Variants in ZNF253 observed in about 807,000 individuals in gnomAD.
ZNF253 encodes the protein zinc finger protein 253.
A neutral mutation model predicts 11.9 loss-of-function variants in ZNF253; 8 were observed. The ratio of observed to expected loss-of-function variants is 0.67; its 90% CI spans 0.40 to 1.22. The LOEUF is 1.22. ZNF253 is among the 50% of genes most tolerant of loss of function. The probability of loss-of-function intolerance (pLI) is 0.01; values close to 1 mark genes in which losing one functional copy is unlikely to be tolerated. For synonymous variants in ZNF253, 194 were observed against 194.9 expected (o/e 1.00, Z 0.04); for missense variants, 485 against 586.9 (o/e 0.83, Z 1.79).
chr19:19,892,983 T>G lies in ZNF253; in HGVS notation c.*236T>G. The G allele has an allele frequency of 2.3e-6, 1 of 443,260 alleles. No individual in the cohort carries two copies. The highest frequency in any genetic ancestry group is 3.8e-6 in the Non-Finnish European group (1 of 265,204). The allele number at this position is 443,260 out of a possible 1,614,324, so 27.5% of individuals were successfully genotyped here. On this transcript the variant is annotated 3_prime_UTR_variant, in exon 4 of 4. Coordinates refer to ENST00000589717, the MANE Select transcript of ZNF253 (RefSeq NM_021047.3). Reference sequence around the variant, plus strand: ...TATAAACCTATAACAAGTTCTCAATTCCTTTTTTTTTGAGATGGAGTTTCA... The same window carrying G: ...TATAAACCTATAACAAGTTCTCAATGCCTTTTTTTTTGAGATGGAGTTTCA...
chr19:19,872,585 A>ATATATATATATATATATAT (rs58003826), intron 1 of ZNF253, among the ~76,000 whole-genome samples: 1 of 90,478 alleles, frequency 1.1e-5, no homozygotes, highest in African/African-American at 6.1e-5. Context: ...ATATATTATT[A>ATATATATATATATATATAT]TATATATATA....
chr19:19,875,831 T>G (rs940635111), intron 1 of ZNF253, among the ~76,000 whole-genome samples: 13 of 152,304 alleles, frequency 8.5e-5, no homozygotes, highest in African/African-American at 3.1e-4. Context: ...TCCTGGAAAT[T>G]ATTAAACCCT....
At chr19:19,886,284 T>C (rs1471303735) in intron 3 of ZNF253, among the ~76,000 whole-genome samples, 1 of 152,216 alleles carries the variant, frequency 6.6e-6, no homozygotes, top group Non-Finnish European at 1.5e-5. Flanking sequence ...AGAGCCACTG[T>C]TCCCAGTATT....
rs111759796 is a variant in ZNF253, at chr19:19,875,412, T to C, written c.4-3069T>C. ...AAACTCTTTCTTTCTTTCTTTCTTTTTTGAGATGGAGTGTCTCTCTGTCGC... is the reference window on the plus strand; with the variant it reads ...AAACTCTTTCTTTCTTTCTTTCTTTCTTGAGATGGAGTGTCTCTCTGTCGC... On this transcript the variant is annotated intron_variant, in intron 1 of 3. Coordinates refer to ENST00000589717, the MANE Select transcript of ZNF253 (RefSeq NM_021047.3). Among the ~76,000 whole-genome samples, 931 of 118,248 alleles carry C rather than the reference T, an allele frequency of 7.9e-3. 6 individuals carry two copies. Among genetic ancestry groups the C allele is most frequent in the Non-Finnish European group, 8.4e-3 (516 of 61,576 alleles). 77.6% of individuals were successfully genotyped at this position (118,248 alleles called of 152,430 possible).
At chr19:19,885,491 C>T (rs1047370253) in intron 3 of ZNF253, among the ~76,000 whole-genome samples, 3 of 151,376 alleles carry the variant, frequency 2.0e-5, no homozygotes, top group East Asian at 1.9e-4. Context: ...TCTGGGTTCA[C>T]GCCATTCTCC....
chr19:19,889,905 G>C (rs2063221603), intron 3 of ZNF253, among the ~76,000 whole-genome samples: 2 of 152,202 alleles, frequency 1.3e-5, no homozygotes, highest in Admixed American at 1.3e-4. Flanking sequence ...TTCCCAATGT[G>C]TTAGAATTAC....
intron 2 of ZNF253, 90 bp downstream of exon 2, chr19:19,878,697 G>A (rs1599553449): frequency 3.4e-6 from 5 of 1,454,038 alleles, no homozygotes; most frequent in Non-Finnish European, 4.6e-6. Flanking sequence ...TTTATTCTTT[G>A]CAAAGTGGTA....
At position 19,866,009 on chromosome 19, in the gene ZNF253, G is replaced by T. The variant is rs2063109188; in HGVS notation, c.3+10G>T. On this transcript the variant is annotated intron_variant, in intron 1 of 3. Coordinates refer to ENST00000589717, the MANE Select transcript of ZNF253 (RefSeq NM_021047.3). ...TGGAAGCCTAGAAATGGTGAGTGCC[G>T]GGTCCAACGTCCCGAGAGAGGGGAG... 2.5e-6 allele frequency: 4 copies of T among 1,614,158 alleles called. No individual in the cohort carries two copies. Among genetic ancestry groups the T allele is most frequent in the Non-Finnish European group, 3.4e-6 (4 of 1,180,032 alleles).
In ZNF253 at chr19:19,892,785, T is replaced by A; in HGVS notation, c.*38T>A. 6.5e-7 allele frequency: 1 copy of A among 1,537,726 alleles called. No individual in the cohort carries two copies. Among genetic ancestry groups the A allele is most frequent in the African/African-American group, 1.4e-5 (1 of 72,448 alleles). On this transcript the variant is annotated 3_prime_UTR_variant, in exon 4 of 4. Coordinates refer to ENST00000589717, the MANE Select transcript of ZNF253 (RefSeq NM_021047.3). The stretch of plus-strand genomic sequence containing the variant: ...AGAAACCCTATGAATGTGATGAATG[T>A]GGGAAAGCCTTTAACCAGCCCTCGA...
Position 19,890,498 on chromosome 19 carries a change from TTGTGTGTGTGTGTGTGTG to T in ZNF253, c.227-949_227-932del, listed in dbSNP as rs35114806. The stretch of plus-strand genomic sequence containing the variant: ...GAAACCAGGAGTTGGCAATTTATAT[TTGTGTGTGTGTGTGTGTG>T]TGTGTGTGTGTGTGTGTGTGTGTGT... On this transcript the variant is annotated intron_variant, in intron 3 of 3. Transcript: ENST00000589717. Among the ~76,000 whole-genome samples the T allele has an allele frequency of 8.7e-3, 1,231 of 141,046 alleles. 11 individuals are homozygous for T. Among genetic ancestry groups the T allele is most frequent in the African/African-American group, 0.012 (461 of 37,868 alleles). The allele number at this position is 141,046 out of a possible 152,430, so 92.5% of individuals were successfully genotyped here.
chr19:19,883,519 G>T lies in ZNF253; in HGVS notation c.226+3373G>T, dbSNP rs936902212. ...CCCAGCTACTTGGGAGATTGAGAGGGATTCAAAATTGTGCCACTACATTGC... is the reference window on the plus strand; with the variant it reads ...CCCAGCTACTTGGGAGATTGAGAGGTATTCAAAATTGTGCCACTACATTGC... On this transcript the variant is annotated intron_variant, in intron 3 of 3. Transcript: ENST00000589717. 4.3e-4 allele frequency among the ~76,000 whole-genome samples: 66 copies of T among 152,044 alleles called. 1 individual carries two copies. Among genetic ancestry groups the T allele is most frequent in the Non-Finnish European group, 1.2e-4 (8 of 68,024 alleles).
At chr19:19,866,649 T>C (rs2063112520) in intron 1 of ZNF253, among the ~76,000 whole-genome samples, 1 of 151,854 alleles carries the variant, frequency 6.6e-6, no homozygotes, top group South Asian at 2.1e-4. Context: ...CAGGCATGCG[T>C]CACCACACCC....
In ZNF253 at chr19:19,892,000, T is replaced by C. The variant is rs13346253; in HGVS notation, c.753T>C (p.Thr251=). The C allele has an allele frequency of 2.6e-5, 42 of 1,613,516 alleles. No homozygotes were observed. The African/African-American group carries it at 4.5e-4, about 17-fold the overall frequency. The change falls in exon 4 of 4, where the codon ACT becomes ACC. Residue 251 remains threonine (T), a synonymous_variant. Transcript: ENST00000589717. ...SNLTTHKKIH[T]GEKPYKCEEC... The stretch of plus-strand genomic sequence containing the variant: ...TTACTACACATAAGAAAATTCATAC[T>C]GGAGAGAAACCCTACAAATGTGAAG...
chr19:19,885,217 TTCTTTC>T (rs1467715912), intron 3 of ZNF253, among the ~76,000 whole-genome samples: 5 of 40,824 alleles, frequency 1.2e-4, no homozygotes, highest in African/African-American at 3.8e-4. Flanking sequence ...TTTTTTTGTA[TTCTTTC>T]TTTCTTTCTT....
intron 3 of ZNF253, among the ~76,000 whole-genome samples, chr19:19,887,272 A>T (rs2063210096): frequency 6.6e-6 from 1 of 151,218 alleles, no homozygotes; most frequent in Non-Finnish European, 1.5e-5. Context: ...CAGGCATTCT[A>T]TTTTTTTATA....
rs575943193 is a variant in ZNF253, at chr19:19,872,965, C to G, written c.4-5516C>G. ...TGCAGATAAGTTCTGGCCTCTACCA[C>G]AGATTTACAAAAAAGGGCCGGACTT... On this transcript the variant is annotated intron_variant, in intron 1 of 3. Coordinates refer to ENST00000589717, the MANE Select transcript of ZNF253 (RefSeq NM_021047.3). Among the ~76,000 whole-genome samples the G allele has an allele frequency of 3.8e-4, 58 of 152,140 alleles. 1 individual carries two copies. In the South Asian group the frequency reaches 0.012, roughly 32 times the overall value.
intron 1 of ZNF253, among the ~76,000 whole-genome samples, chr19:19,875,390 C>CTCTTTCTT (rs147837754): frequency 0.049 from 7,433 of 150,812 alleles, 515 homozygotes; most frequent in African/African-American, 0.16. Context: ...CTACATTAAA[C>CTCTTTCTT]TCTTTCTTTC....
intron 3 of ZNF253, among the ~76,000 whole-genome samples, chr19:19,882,167 C>G (rs1202804181): frequency 6.8e-6 from 1 of 146,386 alleles, no homozygotes; most frequent in East Asian, 2.0e-4. Context: ...CCAGCCTGGG[C>G]AACAAGAGCG....
intron 3 of ZNF253, among the ~76,000 whole-genome samples, chr19:19,888,077 A>G (rs1363346062): frequency 6.6e-6 from 1 of 151,858 alleles, no homozygotes; most frequent in Non-Finnish European, 1.5e-5. Flanking sequence ...TTATTTATTT[A>G]TTTTGAGACG....
Sources: gnomAD v4.1 joint callset for allele counts (sites outside exome capture counted in the v4.1 genomes callset) on GRCh38, gnomAD v4.1.1 for gene constraint, MANE v1.5 for transcripts, NCBI Gene and HGNC (gene_info 2026-07-23, HGNC 2026-07-21) for gene names.